Variants in NCBP2 observed in about 807,000 individuals in gnomAD.
NCBP2 encodes the protein nuclear cap binding protein subunit 2.
In NCBP2, 8 loss-of-function variants were observed where a neutral mutation model predicts 21.5. The ratio of observed to expected loss-of-function variants is 0.37; its 90% CI spans 0.22 to 0.67. The LOEUF (loss-of-function observed/expected upper bound fraction) is 0.67. Among genes scored for constraint, NCBP2 ranks in the 30% least tolerant of loss-of-function variants. NCBP2 has a pLI of 0.56. For synonymous variants in NCBP2, 92 were observed against 75.8 expected, an observed-to-expected ratio of 1.21 and a Z score of -1.11; for missense variants, 127 against 206.9, an observed-to-expected ratio of 0.61 and a Z score of 2.37.
At chr3:196,937,903 T>G in intron 2 of NCBP2, 1 of 476,566 alleles carries the variant, frequency 2.1e-6, no homozygotes, top group South Asian at 2.3e-5. Flanking sequence ...CCATCATCTC[T>G]GTATTTTGGT....
At position 196,936,794 on chromosome 3, in the gene NCBP2, A is replaced by G; in HGVS notation, c.*217T>C. 1.7e-6 allele frequency: 1 copy of G among 582,892 alleles called. No homozygotes were observed. Among genetic ancestry groups the G allele is most frequent in the Non-Finnish European group, 3.1e-6 (1 of 326,694 alleles). The allele number at this position is 582,892 out of a possible 1,614,324, so 36.1% of individuals were successfully genotyped here. A position where few individuals can be genotyped will look rare whatever the true frequency, so the allele number is the denominator to read the frequency against. ...ACACAATTTCTGACCTGGTAACAAAATTGTTCTGATAATCTGACACATGGC... is the reference window on the plus strand; with the variant it reads ...ACACAATTTCTGACCTGGTAACAAAGTTGTTCTGATAATCTGACACATGGC... On this transcript the variant is annotated 3_prime_UTR_variant, in exon 4 of 4. Coordinates refer to ENST00000321256, the MANE Select transcript of NCBP2 (RefSeq NM_007362.5).
chr3:196,942,173 C>T (rs563942807), intron 1 of NCBP2: 1 of 1,458,450 alleles, frequency 6.9e-7, no homozygotes. Context: ...TCGGCACTGG[C>T]TGGGGTACAG....
intron 1 of NCBP2, chr3:196,940,971 G>T (rs576026532): frequency 6.6e-6 from 1 of 152,252 alleles, no homozygotes; most frequent in Non-Finnish European, 1.5e-5. Flanking sequence ...AGCTTCTCAG[G>T]AGGCTGAGGT....
intron 1 of NCBP2, chr3:196,941,579 G>C: frequency 2.8e-6 from 1 of 359,166 alleles, no homozygotes; most frequent in Non-Finnish European, 5.1e-6. Context: ...CTCGCAGAGC[G>C]CAGAAACTGT....
chr3:196,937,698 GGGAACAACATGTAAATGAA>G (rs754704105), intron 2 of NCBP2, 50 bp from the exon 3 acceptor site: 2 of 1,601,626 alleles, frequency 1.2e-6, no homozygotes, highest in South Asian at 2.2e-5. Flanking sequence ...CTGGAAATAG[GGGAACAACATGTAAATGAA>G]GCTGAGTTGT....
chr3:196,939,448 G>T lies in NCBP2; in HGVS notation c.79-16C>A. 1 of 1,575,252 alleles carries T rather than the reference G, an allele frequency of 6.3e-7. No homozygotes were observed. The highest frequency in any genetic ancestry group is 1.1e-5 in the South Asian group (1 of 87,014). Reference sequence around the variant, plus strand: ...CATTGTCACCCTAGAATTTCAAATAGAGACAAAAGTTAAGCAACTTCAGAG... The same window carrying T: ...CATTGTCACCCTAGAATTTCAAATATAGACAAAAGTTAAGCAACTTCAGAG... On this transcript the variant is annotated splice_polypyrimidine_tract_variant and intron_variant, in intron 1 of 3. Coordinates refer to ENST00000321256, the MANE Select transcript of NCBP2 (RefSeq NM_007362.5).
chr3:196,939,828 C>CAG (rs370571676), intron 1 of NCBP2: 118 of 163,532 alleles, frequency 7.2e-4, no homozygotes, highest in African/African-American at 2.4e-3. Context: ...AGTGGGTTTT[C>CAG]AGAGAGAGAG....
chr3:196,937,638 G>T lies in NCBP2; in HGVS notation c.271C>A (p.Arg91Ser). The T allele has an allele frequency of 1.2e-6, 2 of 1,614,070 alleles. No homozygotes were observed. Among genetic ancestry groups the T allele is most frequent in the East Asian group, 2.2e-5 (1 of 44,888 alleles). The stretch of plus-strand genomic sequence containing the variant: ...CGCATGGCGTTTTCCGCATCTGCGC[G>T]TGAGTAATATCTTAAGTATTAAGGA... ...CGFCFVEYYSRADAENAMRYI... is the reference protein window; with the variant it reads ...CGFCFVEYYSSADAENAMRYI... The change falls in exon 3 of 4, where the codon CGC becomes AGC. Residue 91 changes from arginine (R) to serine (S), a missense_variant. Physicochemically the swap from Arg to Ser is moderately radical, Grantham distance 110. Coordinates refer to ENST00000321256, the MANE Select transcript of NCBP2 (RefSeq NM_007362.5).
In NCBP2 at chr3:196,937,651, T is replaced by G. The variant is rs1273500999; in HGVS notation, c.261-3A>C. ...CCGCATCTGCGCGTGAGTAATATCT[T>G]AAGTATTAAGGAACACTAGCATTTT... On this transcript the variant is annotated splice_region_variant and splice_polypyrimidine_tract_variant and intron_variant, in intron 2 of 3. Coordinates refer to ENST00000321256, the MANE Select transcript of NCBP2 (RefSeq NM_007362.5). 1 of 1,613,792 alleles carries G rather than the reference T, an allele frequency of 6.2e-7. No homozygotes were observed. The highest frequency in any genetic ancestry group is 8.5e-7 in the Non-Finnish European group (1 of 1,179,968).
At chr3:196,941,936 G>T in intron 1 of NCBP2, 4 of 1,536,266 alleles carry the variant, frequency 2.6e-6, no homozygotes, top group Non-Finnish European at 3.5e-6. Context: ...CCCACGCACC[G>T]CGTACAGCTT....
chr3:196,941,640 T>C (rs1165661103), intron 1 of NCBP2: 2 of 517,488 alleles, frequency 3.9e-6, no homozygotes, highest in Non-Finnish European at 6.9e-6. Context: ...CAGCACTCGA[T>C]AAACGTTTAC....
chr3:196,942,063 C>G, intron 1 of NCBP2: 1 of 1,529,292 alleles, frequency 6.5e-7, no homozygotes, highest in Non-Finnish European at 8.7e-7. Flanking sequence ...TCTGCCTACT[C>G]TGGGAGAGAG....
intron 2 of NCBP2, chr3:196,938,253 T>A (rs6583190): frequency 6.6e-6 from 1 of 152,254 alleles, no homozygotes; most frequent in East Asian, 1.9e-4. Flanking sequence ...TTGGGAAACC[T>A]GTGTATCCCC....
chr3:196,935,559 A>G lies in NCBP2; in HGVS notation c.*1452T>C, dbSNP rs527901940. 1 of 152,256 alleles carries G rather than the reference A, an allele frequency of 6.6e-6. No individual in the cohort carries two copies. Among genetic ancestry groups the G allele is most frequent in the Non-Finnish European group, 1.5e-5 (1 of 68,038 alleles). The allele number at this position is 152,256 out of a possible 1,614,324, so 9.4% of individuals were successfully genotyped here. A position where few individuals can be genotyped will look rare whatever the true frequency, so the allele number is the denominator to read the frequency against. On this transcript the variant is annotated 3_prime_UTR_variant, in exon 4 of 4. Coordinates refer to ENST00000321256, the MANE Select transcript of NCBP2 (RefSeq NM_007362.5). ...AAGGAATTTTAAAAATGAACAGTGT[A>G]TCCTCATTAAATGTTTGCAAAGTTT... is the stretch of plus-strand genomic sequence containing the variant.
intron 1 of NCBP2, chr3:196,941,971 G>C (rs1716604978): frequency 1.3e-6 from 2 of 1,536,344 alleles, no homozygotes; most frequent in South Asian, 1.2e-5. Context: ...TCCCAGAGAA[G>C]GGGCCCGAAT....
intron 1 of NCBP2, 146 bp downstream of exon 1, chr3:196,942,280 T>A (rs1346332297): frequency 6.6e-7 from 1 of 1,504,314 alleles, no homozygotes; most frequent in African/African-American, 1.4e-5. Flanking sequence ...CCAGCACCCA[T>A]TCCCTGCCTC....
chr3:196,940,686 G>C (rs1295346488), intron 1 of NCBP2, among the ~76,000 whole-genome samples: 1 of 152,234 alleles, frequency 6.6e-6, no homozygotes, highest in African/African-American at 2.4e-5. Context: ...GGTTTAGACT[G>C]AGGAGATGAA....
rs932755735 is a variant in NCBP2, at chr3:196,939,128, C to T, written c.260+123G>A. The T allele has an allele frequency of 1.2e-5, 9 of 765,694 alleles. No homozygotes were observed. The Admixed American group carries it at 2.0e-4, about 17-fold the overall frequency. The allele number at this position is 765,694 out of a possible 1,614,324, so 47.4% of individuals were successfully genotyped here. A position where few individuals can be genotyped will look rare whatever the true frequency, so the allele number is the denominator to read the frequency against. On this transcript the variant is annotated intron_variant, in intron 2 of 3. Transcript: ENST00000321256. ...GCTTTACAGTATAAGGGCAGAGACA[C>T]ACTGGGTGGAAAGTAGGAGGGAGAT...
Position 196,939,690 on chromosome 3 carries a change from G to C in NCBP2, c.79-258C>G, listed in dbSNP as rs148300915. On this transcript the variant is annotated intron_variant, in intron 1 of 3. Transcript: ENST00000321256. ...AGTCACTTCTACGCCCGACTGCCAC[G>C]CAAGCGGCTTCCCTTTTCCCTGCAC... 2.0e-5 allele frequency among the ~76,000 whole-genome samples: 3 copies of C among 152,138 alleles called. No individual in the cohort carries two copies. The South Asian group carries it at 6.2e-4, about 31-fold the overall frequency.
Sources: allele counts gnomAD v4.1 joint callset (sites outside exome capture counted in the v4.1 genomes callset), GRCh38; gene constraint gnomAD v4.1.1; transcripts MANE v1.5; gene names NCBI Gene and HGNC (gene_info 2026-07-23, HGNC 2026-07-21).